The following CPA4 variants were observed in gnomAD, a reference collection of about 807,000 sequenced individuals.
The protein encoded by CPA4 is carboxypeptidase A4, also known as carboxypeptidase A3.
CPA4 carries 49 observed loss-of-function variants against 54.7 expected under a neutral mutation model. The ratio of observed to expected loss-of-function variants is 0.90; its 90% CI spans 0.71 to 1.14. The LOEUF (loss-of-function observed/expected upper bound fraction) is 1.14. Among genes scored for constraint, CPA4 ranks in the 50% most tolerant of loss-of-function variants. The pLI, the probability that CPA4 is intolerant of heterozygous loss-of-function variation, is 0.00. For missense variants in CPA4, 487 were observed against 525.1 expected, an observed-to-expected ratio of 0.93 and a Z score of 0.71; for synonymous variants, 215 against 206.8, an observed-to-expected ratio of 1.04 and a Z score of -0.34.
intron 1 of CPA4, among the ~76,000 whole-genome samples, chr7:130,297,114 G>T (rs1173910707): frequency 2.6e-5 from 4 of 152,008 alleles, no homozygotes; most frequent in African/African-American, 9.6e-5. Context: ...ACCACGCCCA[G>T]CTAATTGTTT....
At chr7:130,301,301 G>A (rs1201261543) in intron 4 of CPA4, among the ~76,000 whole-genome samples, 1 of 152,106 alleles carries the variant, frequency 6.6e-6, no homozygotes, top group African/African-American at 2.4e-5. Context: ...GATTTCGAAG[G>A]TTAACCAAAT....
rs1445875524 is a variant in CPA4, at chr7:130,310,487, C to T, written c.794-300C>T. On this transcript the variant is annotated intron_variant, in intron 8 of 10. Coordinates refer to ENST00000222482, the MANE Select transcript of CPA4 (RefSeq NM_016352.4). The surrounding 1 kb of genome is among the most constrained non-coding windows in gnomAD (Gnocchi z 4.3). Reference sequence around the variant, plus strand: ...TTGGTATTCATATTAATTATCTAGTCTACTTATTAATTACAACTCATTCTC... The same window carrying T: ...TTGGTATTCATATTAATTATCTAGTTTACTTATTAATTACAACTCATTCTC... Among the ~76,000 whole-genome samples, 1 of 152,178 alleles carries T rather than the reference C, an allele frequency of 6.6e-6. No individual in the cohort carries two copies. Among genetic ancestry groups the T allele is most frequent in the African/African-American group, 2.4e-5 (1 of 41,430 alleles).
chr7:130,301,520 G>A (rs1056525981), intron 4 of CPA4, among the ~76,000 whole-genome samples: 3 of 152,132 alleles, frequency 2.0e-5, no homozygotes, highest in Non-Finnish European at 4.4e-5. Context: ...ACTGTACCAT[G>A]AATGCGGTAC....
chr7:130,305,369 G>A (rs1372283470), intron 5 of CPA4, among the ~76,000 whole-genome samples: 2 of 152,224 alleles, frequency 1.3e-5, no homozygotes, highest in African/African-American at 4.8e-5. Context: ...CAGGAGCCAG[G>A]ATTCATGGCT....
rs759219930 is a variant in CPA4, at chr7:130,311,038, C to T, written c.993+52C>T. 49 of 1,465,672 alleles carry T rather than the reference C, an allele frequency of 3.3e-5. No homozygotes were observed. The African/African-American group carries it at 4.9e-4, about 15-fold the overall frequency. 90.8% of individuals were successfully genotyped at this position (1,465,672 alleles called of 1,614,324 possible). On this transcript the variant is annotated intron_variant, in intron 9 of 10. Transcript: ENST00000222482. ...CCTGGGGCCCGCCTGACCCTCCTGG[C>T]GCTGCTAAGGTGGTAGCTCTGCAGC...
intron 3 of CPA4, among the ~76,000 whole-genome samples, chr7:130,300,430 G>C (rs1793721887): frequency 6.7e-6 from 1 of 149,736 alleles, no homozygotes; most frequent in Non-Finnish European, 1.5e-5. Context: ...CTGACTCCCT[G>C]GTTCAAGCGA....
In CPA4 at chr7:130,312,158, C is replaced by A. The variant is rs564645887; in HGVS notation, c.1078+36C>A. 1.3e-3 allele frequency: 1,876 copies of A among 1,484,584 alleles called. 31 individuals carry two copies. The South Asian group carries it at 0.02, about 16-fold the overall frequency. The allele number at this position is 1,484,584 out of a possible 1,614,324, so 92.0% of individuals were successfully genotyped here. On this transcript the variant is annotated intron_variant, in intron 10 of 10. Transcript: ENST00000222482. ...GCTTATTTATGAGTTATTTAGAAAG[C>A]ACTTTGAGAGGAAACTTGAAATGGA...
chr7:130,296,257 T>C (rs1793646729), intron 1 of CPA4, among the ~76,000 whole-genome samples: 1 of 152,182 alleles, frequency 6.6e-6, no homozygotes, highest in African/African-American at 2.4e-5. Context: ...AAGAGACAGA[T>C]GGAACGGGCT....
Position 130,293,170 on chromosome 7 carries a change from TC to T in CPA4, c.-7del. On this transcript the variant is annotated 5_prime_UTR_variant, in exon 1 of 11. Coordinates refer to ENST00000222482, the MANE Select transcript of CPA4 (RefSeq NM_016352.4). ...TTGACTCAGCCACTGTATGACTGAC[TC>T]CCCGGGGACATGAGGTGGATACTGT... is the stretch of plus-strand genomic sequence containing the variant. The T allele has an allele frequency of 1.9e-6, 3 of 1,588,702 alleles. No homozygotes were observed. Among genetic ancestry groups the T allele is most frequent in the Non-Finnish European group, 2.6e-6 (3 of 1,156,922 alleles).
Position 130,304,430 on chromosome 7 carries a change from A to C in CPA4, c.385-48A>C, listed in dbSNP as rs112569976. 4,574 of 1,059,720 alleles carry C rather than the reference A, an allele frequency of 4.3e-3. 151 individuals are homozygous for C. In the African/African-American group the frequency reaches 0.064, roughly 15 times the overall value. The allele number at this position is 1,059,720 out of a possible 1,614,324, so 65.6% of individuals were successfully genotyped here. On this transcript the variant is annotated intron_variant, in intron 4 of 10. Coordinates refer to ENST00000222482, the MANE Select transcript of CPA4 (RefSeq NM_016352.4). ...GTAAATCACAGATATCCAGCCATAGATAAGCAGATTTTTAAAATGTCCCTG... is the reference window on the plus strand; with the variant it reads ...GTAAATCACAGATATCCAGCCATAGCTAAGCAGATTTTTAAAATGTCCCTG...
chr7:130,308,949 G>A (rs975254374), intron 8 of CPA4, among the ~76,000 whole-genome samples: 1 of 151,340 alleles, frequency 6.6e-6, no homozygotes, highest in Non-Finnish European at 1.5e-5. Flanking sequence ...CGCCTCCCGG[G>A]TTCAAGTGAT....
intron 10 of CPA4, among the ~76,000 whole-genome samples, chr7:130,321,527 A>G (rs1342848919): frequency 1.3e-5 from 2 of 152,172 alleles, no homozygotes; most frequent in Non-Finnish European, 2.9e-5. Flanking sequence ...CAGTCAACCT[A>G]AGGCTTGTGT....
In CPA4 at chr7:130,296,679, C is replaced by CTTTTTTTTTTTTTTT. The variant is rs369325885; in HGVS notation, c.69-2056_69-2042dup. 4.1e-5 allele frequency among the ~76,000 whole-genome samples: 3 copies of CTTTTTTTTTTTTTTT among 72,984 alleles called. 1 individual carries two copies. The highest frequency in any genetic ancestry group is 1.1e-3 in the South Asian group (2 of 1,766). The allele number at this position is 72,984 out of a possible 152,430, so 47.9% of individuals were successfully genotyped here. A position where few individuals can be genotyped will look rare whatever the true frequency, so the allele number is the denominator to read the frequency against. ...AAGATCTTTCTAGCAGCTCCCCTCA[C>CTTTTTTTTTTTTTTT]TTTTTTTTTTTTTTTTTTTTTTTTT... On this transcript the variant is annotated intron_variant, in intron 1 of 10. Transcript: ENST00000222482.
At chr7:130,306,220 A>G in intron 6 of CPA4, 1 of 387,840 alleles carries the variant, frequency 2.6e-6, no homozygotes, top group South Asian at 3.1e-5. Context: ...GGCCCCATAG[A>G]CCCTCGGGGA....
At chr7:130,302,266 C>A (rs1242504131) in intron 4 of CPA4, among the ~76,000 whole-genome samples, 1 of 152,130 alleles carries the variant, frequency 6.6e-6, no homozygotes, top group Non-Finnish European at 1.5e-5. Context: ...GTGGGCAGAT[C>A]ACTTGAGGTC....
rs531910472 is a variant in CPA4 at position 130,303,228 on chromosome 7, C to A, written c.385-1250C>A. On this transcript the variant is annotated intron_variant, in intron 4 of 10. Transcript: ENST00000222482. ...TTTTGGCCCTCAAGTGGTTTGAAAA[C>A]TAAGATGGATAAATTCTATTTAAAT... Among the ~76,000 whole-genome samples the A allele has an allele frequency of 1.8e-4, 27 of 151,930 alleles. 2 individuals carry two copies. In the South Asian group the frequency reaches 5.2e-3, roughly 29 times the overall value.
chr7:130,301,032 A>T, intron 4 of CPA4, 118 bp downstream of exon 4: 1 of 684,276 alleles, frequency 1.5e-6, no homozygotes, highest in Non-Finnish European at 2.7e-6. Context: ...TGAGGGGCTA[A>T]AATGTGTACA....
rs1040144831 is a variant in CPA4 at position 130,310,751 on chromosome 7, A to G, written c.794-36A>G. On this transcript the variant is annotated intron_variant, in intron 8 of 10. Transcript: ENST00000222482. This position sits in a 1 kb window ranked among gnomAD's most constrained non-coding sequence, Gnocchi z 4.3. ...TCTTGCATTTCTGTGTTCTTGGACT[A>G]TGAGTTAATGTTTGTTCTTGGGCTA... 6 of 1,587,126 alleles carry G rather than the reference A, an allele frequency of 3.8e-6. No individual in the cohort carries two copies. Among genetic ancestry groups the G allele is most frequent in the Non-Finnish European group, 4.3e-6 (5 of 1,155,632 alleles).
chr7:130,322,301 C>T (rs1370453996), intron 10 of CPA4, among the ~76,000 whole-genome samples, 188 bp from the exon 11 acceptor site: 1 of 152,144 alleles, frequency 6.6e-6, no homozygotes, highest in East Asian at 1.9e-4. Flanking sequence ...GACCAGTGTG[C>T]ACCTCAGGCC....
Sources: allele counts gnomAD v4.1 joint callset (sites outside exome capture counted in the v4.1 genomes callset), GRCh38; gene constraint gnomAD v4.1.1; non-coding constraint Gnocchi (gnomAD v3.1); transcripts MANE v1.5; gene names NCBI Gene and HGNC (gene_info 2026-07-23, HGNC 2026-07-21).